The following MMS22L variants were observed in gnomAD, a reference collection of about 807,000 sequenced individuals.
MMS22L encodes protein MMS22-like.
A neutral mutation model predicts 159.1 loss-of-function variants in MMS22L; 74 were observed. The observed-to-expected ratio is 0.47, with a 90% CI of 0.39 to 0.56. MMS22L has a LOEUF of 0.56. MMS22L is among the 20% of genes least tolerant of loss of function. The pLI is 0.00. For synonymous variants in MMS22L, 517 were observed against 506.9 expected, an observed-to-expected ratio of 1.02 and a Z score of -0.27; for missense variants, 1,351 against 1,422.1, an observed-to-expected ratio of 0.95 and a Z score of 0.80.
At chr6:97,274,313 C>A (rs901481083) in intron 4 of MMS22L, among the ~76,000 whole-genome samples, 9 of 152,100 alleles carry the variant, frequency 5.9e-5, no homozygotes, top group Non-Finnish European at 1.2e-4. Context: ...TATTAAACTG[C>A]ATTTTTATGG....
chr6:97,274,713 GAAGA>G, intron 4 of MMS22L, among the ~76,000 whole-genome samples: 2 of 152,204 alleles, frequency 1.3e-5, no homozygotes, highest in Middle Eastern at 3.4e-3. Context: ...AAGTACCCAA[GAAGA>G]AAGAAGCTAT....
At chr6:97,272,359 AG>A (rs1815832585) in intron 6 of MMS22L, 1 of 163,870 alleles carries the variant, frequency 6.1e-6, no homozygotes, top group Admixed American at 6.3e-5. Flanking sequence ...CAGAAAATAA[AG>A]ATTATTTCAT....
intron 22 of MMS22L, among the ~76,000 whole-genome samples, chr6:97,159,581 A>G (rs908964457): frequency 3.3e-5 from 5 of 152,024 alleles, no homozygotes; most frequent in Admixed American, 2.6e-4. Flanking sequence ...CAGCAAATAC[A>G]TATCTTAACT....
At position 97,243,335 on chromosome 6, in the gene MMS22L, C is replaced by T. The variant is rs114404588; in HGVS notation, c.1182+3293G>A. On this transcript the variant is annotated intron_variant, in intron 11 of 24. Coordinates refer to ENST00000683635, the MANE Select transcript of MMS22L (RefSeq NM_001350599.2). ...TTAATTTGAAAACCTTGTCTTCAAG[C>T]TCTGATGCTCTTTCTTCTACTTGTT... Among the ~76,000 whole-genome samples the T allele has an allele frequency of 2.8e-3, 421 of 152,098 alleles. 4 individuals carry two copies. The highest frequency in any genetic ancestry group is 9.8e-3 in the African/African-American group (405 of 41,508).
At chr6:97,172,868 T>C (rs1185800652) in intron 19 of MMS22L, among the ~76,000 whole-genome samples, 195 bp downstream of exon 19, 2 of 152,088 alleles carry the variant, frequency 1.3e-5, no homozygotes, top group East Asian at 1.9e-4. Flanking sequence ...ATCAAAAGTA[T>C]TGAAAAGAGA....
intron 14 of MMS22L, among the ~76,000 whole-genome samples, chr6:97,217,263 G>C (rs1157233989): frequency 1.3e-5 from 2 of 151,312 alleles, no homozygotes; most frequent in Non-Finnish European, 2.9e-5. Flanking sequence ...TTATTTTTTT[G>C]AGGCGGAGTT....
chr6:97,245,982 C>T (rs756946130), intron 11 of MMS22L: 3 of 221,654 alleles, frequency 1.4e-5, no homozygotes, highest in Non-Finnish European at 2.8e-5. Flanking sequence ...TCCCAAATTC[C>T]AAAATATTAT....
intron 14 of MMS22L, among the ~76,000 whole-genome samples, chr6:97,216,903 T>C (rs1354241426): frequency 1.3e-5 from 2 of 152,240 alleles, no homozygotes; most frequent in Non-Finnish European, 2.9e-5. Context: ...AAAATAATCA[T>C]GGCACTTCTA....
chr6:97,223,398 A>G (rs761026478), intron 14 of MMS22L, among the ~76,000 whole-genome samples: 6 of 152,062 alleles, frequency 3.9e-5, no homozygotes, highest in Non-Finnish European at 8.8e-5. Context: ...TCATCAATCT[A>G]TATAATCCAT....
chr6:97,282,658 CA>C, intron 1 of MMS22L, 105 bp from the exon 2 acceptor site: 1 of 489,878 alleles, frequency 2.0e-6, no homozygotes, highest in African/African-American at 2.3e-5. Flanking sequence ...ACCCAGAGGC[CA>C]AATTCCCAAT....
At chr6:97,277,901 G>A (rs1361826755) in intron 4 of MMS22L, among the ~76,000 whole-genome samples, 1 of 152,096 alleles carries the variant, frequency 6.6e-6, no homozygotes, top group African/African-American at 2.4e-5. Context: ...GGTAGTCTTT[G>A]GTTGCTAGGC....
intron 8 of MMS22L, chr6:97,266,440 TA>T (rs2128082722): frequency 1.3e-5 from 2 of 152,290 alleles, no homozygotes; most frequent in African/African-American, 4.8e-5. Context: ...GATGAATGCA[TA>T]AAGAAAATGT....
At chr6:97,146,927 T>C (rs780993011) in intron 24 of MMS22L, 40 bp from the exon 25 acceptor site, 2 of 1,262,820 alleles carry the variant, frequency 1.6e-6, no homozygotes, top group South Asian at 1.4e-5. Context: ...TATATTAACA[T>C]TTTCATTATT....
At chr6:97,148,747 A>C (rs1801040568) in intron 24 of MMS22L, among the ~76,000 whole-genome samples, 1 of 152,116 alleles carries the variant, frequency 6.6e-6, no homozygotes, top group Non-Finnish European at 1.5e-5. Flanking sequence ...TTATTGAAAA[A>C]CTAAAAATTT....
In MMS22L at chr6:97,184,332, A is replaced by G. The variant is rs543529927; in HGVS notation, c.2233+2165T>C. Among the ~76,000 whole-genome samples the G allele has an allele frequency of 4.8e-4, 73 of 152,212 alleles. 1 individual carries two copies. Among genetic ancestry groups the G allele is most frequent in the African/African-American group, 1.7e-3 (71 of 41,540 alleles). On this transcript the variant is annotated intron_variant, in intron 15 of 24. Transcript: ENST00000683635. ...AGTCCTCAAACTTTTCTTTTCATCC[A>G]TACTTGCTCTATGGGTGATCTCATC...
At chr6:97,184,245 CCA>C (rs1804998238) in intron 15 of MMS22L, among the ~76,000 whole-genome samples, 1 of 152,090 alleles carries the variant, frequency 6.6e-6, no homozygotes, top group Non-Finnish European at 1.5e-5. Flanking sequence ...TCATTCCTCT[CCA>C]GTCTCCTTTC....
At chr6:97,265,135 G>A (rs1814951455) in intron 8 of MMS22L, 1 of 152,170 alleles carries the variant, frequency 6.6e-6, no homozygotes, top group Non-Finnish European at 1.5e-5. Context: ...GACACTACCT[G>A]ACTTCAAAAT....
chr6:97,151,397 T>TATATA (rs1267579023), intron 23 of MMS22L, among the ~76,000 whole-genome samples: 1 of 152,176 alleles, frequency 6.6e-6, no homozygotes, highest in African/African-American at 2.4e-5. Flanking sequence ...ATAGCTTAGG[T>TATATA]GCAGAGTGGG....
chr6:97,142,639 T>C lies in MMS22L; in HGVS notation c.*4167A>G, dbSNP rs1303264270. On this transcript the variant is annotated 3_prime_UTR_variant, in exon 25 of 25. Transcript: ENST00000683635. ...GTGAGGTTTCTGTATCTATTTACCT[T>C]TTAGACATGGGGAGACATGAGTGCT... 6.6e-6 allele frequency: 1 copy of C among 152,106 alleles called. No homozygotes were observed. The highest frequency in any genetic ancestry group is 1.5e-5 in the Non-Finnish European group (1 of 67,956). The allele number at this position is 152,106 out of a possible 1,614,324, so 9.4% of individuals were successfully genotyped here.
Sources: allele counts gnomAD v4.1 joint callset (sites outside exome capture counted in the v4.1 genomes callset), GRCh38; gene constraint gnomAD v4.1.1; transcripts MANE v1.5; gene names NCBI Gene and HGNC (gene_info 2026-07-23, HGNC 2026-07-21).